AXIN1: variants seen among roughly 807,000 people sequenced by gnomAD.
The protein encoded by AXIN1 is axin 1.
In AXIN1, 30 loss-of-function variants were observed where a neutral mutation model predicts 76.4. That is an observed-to-expected ratio of 0.39 (90% CI 0.29 to 0.53). The LOEUF is 0.53. Among genes scored for constraint, AXIN1 ranks in the 20% least tolerant of loss-of-function variants. AXIN1 has a pLI of 0.66. For missense variants in AXIN1, 1,140 were observed against 1,198.8 expected (o/e 0.95, Z 0.72); for synonymous variants, 545 against 501.4 (o/e 1.09, Z -1.16).
chr16:320,192 G>A (rs573526838), intron 2 of AXIN1, among the ~76,000 whole-genome samples: 2 of 152,190 alleles, frequency 1.3e-5, no homozygotes, highest in South Asian at 4.1e-4. Flanking sequence ...GACAACAGGC[G>A]CACACTACCA....
intron 6 of AXIN1, 95 bp downstream of exon 6, chr16:297,627 T>C: frequency 4.2e-6 from 6 of 1,441,314 alleles, no homozygotes; most frequent in Non-Finnish European, 5.5e-6. Flanking sequence ...TTGCTGGCGG[T>C]CCTGGGTTTC....
In AXIN1 at chr16:346,314, G is replaced by A. The variant is rs372315111; in HGVS notation, c.712C>T (p.Leu238=). Residue 238 remains leucine (L), a synonymous_variant, in exon 2 of 11, where the codon CTG becomes TTG. Transcript: ENST00000262320. ...SGTGKGISGY[L]PTLNEDEEWK... is the part of the protein sequence containing the mutation. ...TCCTCATCTTCATTTAAGGTCGGCAGGTATCCAGATATGCCCTTCCCTGTC... is the reference window on the plus strand; with the variant it reads ...TCCTCATCTTCATTTAAGGTCGGCAAGTATCCAGATATGCCCTTCCCTGTC... The A allele has an allele frequency of 4.3e-6, 7 of 1,614,074 alleles. No homozygotes were observed. In the African/African-American group the frequency reaches 8.0e-5, roughly 18 times the overall value.
chr16:319,170 G>C (rs2053381940), intron 2 of AXIN1, among the ~76,000 whole-genome samples: 1 of 152,142 alleles, frequency 6.6e-6, no homozygotes, highest in African/African-American at 2.4e-5. Context: ...ACTCTTCTGT[G>C]TGTTCAAAGG....
At chr16:298,876 C>A (rs943789890) in intron 5 of AXIN1, among the ~76,000 whole-genome samples, 1 of 152,136 alleles carries the variant, frequency 6.6e-6, no homozygotes, top group African/African-American at 2.4e-5. Context: ...TCAAGTGATT[C>A]TCCTCCTTCA....
intron 2 of AXIN1, among the ~76,000 whole-genome samples, chr16:342,111 C>G (rs947967305): frequency 6.6e-6 from 1 of 152,176 alleles, no homozygotes; most frequent in African/African-American, 2.4e-5. Flanking sequence ...AGTGTGGAAG[C>G]TTTGTTCTTT....
At position 288,285 on chromosome 16, in the gene AXIN1, G is replaced by C. The variant is rs752823798; in HGVS notation, c.2463-37C>G. 7 of 1,613,030 alleles carry C rather than the reference G, an allele frequency of 4.3e-6. 1 individual carries two copies. In the Admixed American group the frequency reaches 1.2e-4, roughly 27 times the overall value. ...AGGTGAGGAGGGCAGTGAGCAGGCA[G>C]CACCGCAGATGGGAAGGAGGCCTGT... On this transcript the variant is annotated intron_variant, in intron 10 of 10. Transcript: ENST00000262320.
chr16:301,669 C>A (rs1473655629), intron 5 of AXIN1, among the ~76,000 whole-genome samples: 1 of 152,136 alleles, frequency 6.6e-6, no homozygotes, highest in African/African-American at 2.4e-5. Flanking sequence ...AAAATGGGAA[C>A]CTGCCCTACT....
chr16:336,831 A>C lies in AXIN1; in HGVS notation c.878+9317T>G, dbSNP rs1195468537. Among the ~76,000 whole-genome samples, 8 of 150,444 alleles carry C rather than the reference A, an allele frequency of 5.3e-5. No homozygotes were observed. In the East Asian group the frequency reaches 7.8e-4, roughly 15 times the overall value. On this transcript the variant is annotated intron_variant, in intron 2 of 10. Coordinates refer to ENST00000262320, the MANE Select transcript of AXIN1 (RefSeq NM_003502.4). ...GACTCCGCCTCAAAAAAAAAAAAAA[A>C]AAACAAAACATAAATACAAGAACTT...
In AXIN1 at chr16:293,753, C is replaced by T. The variant is rs1373804783; in HGVS notation, c.1956-35G>A. The T allele has an allele frequency of 4.4e-6, 7 of 1,603,962 alleles. No homozygotes were observed. Among genetic ancestry groups the T allele is most frequent in the Non-Finnish European group, 5.1e-6 (6 of 1,173,548 alleles). ...CAAGAGAACAAGTTGTGACTGTGGCCGACACCCTGGCCAGGTGGCCTGGTG... is the reference window on the plus strand; with the variant it reads ...CAAGAGAACAAGTTGTGACTGTGGCTGACACCCTGGCCAGGTGGCCTGGTG... On this transcript the variant is annotated intron_variant, in intron 7 of 10. Coordinates refer to ENST00000262320, the MANE Select transcript of AXIN1 (RefSeq NM_003502.4). The surrounding 1 kb of genome is among the most constrained non-coding windows in gnomAD (Gnocchi z 4.6).
At chr16:310,144 G>T in intron 3 of AXIN1, 75 bp from the exon 4 acceptor site, 1 of 1,373,836 alleles carries the variant, frequency 7.3e-7, no homozygotes, top group Non-Finnish European at 1.0e-6. Context: ...AGAGCTCCTG[G>T]CCCCGACCGC....
Position 291,218 on chromosome 16 carries a change from C to A in AXIN1, c.2266G>T (p.Val756Leu), listed in dbSNP as rs1016858677. 2 of 1,588,426 alleles carry A rather than the reference C, an allele frequency of 1.3e-6. No individual in the cohort carries two copies. The highest frequency in any genetic ancestry group is 2.7e-5 in the African/African-American group (2 of 74,754). ...GTCTCGGAGAGCTCCATGTCCGACA[C>A]GGCTGGTACCACGTGCAGCACCGGC... ...CAPVLHVVPA[V>L]SDMELSETET... The change falls in exon 9 of 11, where the codon GTG becomes TTG. Residue 756 changes from valine to leucine, a missense_variant. This residue lies in a region of AXIN1 where 429 missense variants were observed against 405.8 expected (regional missense o/e 1.06). Coordinates refer to ENST00000262320, the MANE Select transcript of AXIN1 (RefSeq NM_003502.4).
rs755933945 is a variant in AXIN1 at position 332,306 on chromosome 16, G to A, written c.878+13842C>T. 2.4e-4 allele frequency among the ~76,000 whole-genome samples: 37 copies of A among 151,516 alleles called. 1 individual carries two copies. The highest frequency in any genetic ancestry group is 6.5e-4 in the African/African-American group (27 of 41,268). ...TAAAACCTGCAGCCAGGCTGGGCGC[G>A]GTGGCTCACGCCTGTAATCCCAGCA... On this transcript the variant is annotated intron_variant, in intron 2 of 10. Transcript: ENST00000262320.
intron 2 of AXIN1, 123 bp from the exon 3 acceptor site, chr16:314,806 A>G (rs1482615664): frequency 7.0e-7 from 1 of 1,426,458 alleles, no homozygotes; most frequent in East Asian, 2.5e-5. Flanking sequence ...ATTTGGAGAA[A>G]ATAAGGAGCA....
intron 1 of AXIN1, among the ~76,000 whole-genome samples, chr16:347,420 C>A (rs1043375214): frequency 1.3e-5 from 2 of 152,210 alleles, no homozygotes; most frequent in Non-Finnish European, 2.9e-5. Context: ...CCTCCCACCT[C>A]AGCTGCAGAG....
chr16:288,176 G>A lies in AXIN1; in HGVS notation c.2535C>T (p.Ala845=), dbSNP rs776173911. 21 of 1,613,548 alleles carry A rather than the reference G, an allele frequency of 1.3e-5. No individual in the cohort carries two copies. The highest frequency in any genetic ancestry group is 2.2e-5 in the East Asian group (1 of 44,892). Residue 845 remains alanine, a synonymous_variant, in exon 11 of 11, where the codon GCC becomes GCT. Coordinates refer to ENST00000262320, the MANE Select transcript of AXIN1 (RefSeq NM_003502.4). ...TCTTCTCCTCAAAGACGGGCAGGAC[G>A]GCCTCGTCCTCTCGAACCTCCTCAA... ...VVFEEVREDE[A]VLPVFEEKII... is the part of the protein sequence containing the mutation.
At chr16:352,256 C>G in intron 1 of AXIN1, 113 bp downstream of exon 1, 3 of 635,570 alleles carry the variant, frequency 4.7e-6, no homozygotes, top group Non-Finnish European at 5.9e-6. Context: ...GCTCCCCGCG[C>G]GCCCACCCCC....
At position 347,044 on chromosome 16, in the gene AXIN1, G is replaced by T. The variant is rs758033; in HGVS notation, c.-19C>A. ...TATTCATTTTGGGACTCTGCGTCAA[G>T]GAACAATGAGCGCTGCACCCTAATA... On this transcript the variant is annotated 5_prime_UTR_variant, in exon 2 of 11. Transcript: ENST00000262320. The T allele has an allele frequency of 0.24, 390,471 of 1,613,662 alleles. 48,227 individuals are homozygous for T. The highest frequency in any genetic ancestry group is 0.3 in the South Asian group (27,663 of 91,072).
intron 5 of AXIN1, among the ~76,000 whole-genome samples, chr16:303,151 C>CT (rs1281868399): frequency 6.6e-6 from 1 of 152,180 alleles, no homozygotes; most frequent in African/African-American, 2.4e-5. Context: ...TGTGCACTGC[C>CT]CGCCCGGCCA....
rs528610775 is a variant in AXIN1, at chr16:314,688, A to G, written c.879-5T>C. 2.8e-4 allele frequency: 458 copies of G among 1,613,502 alleles called. 2 individuals carry two copies. In the East Asian group the frequency reaches 0.01, roughly 36 times the overall value. ...GGCTCCCGCCAGGATCCATACCTGC[A>G]AACAGGCAAGCAGGGCATGTTAGTG... On this transcript the variant is annotated splice_region_variant and splice_polypyrimidine_tract_variant and intron_variant, in intron 2 of 10. Transcript: ENST00000262320.
Sources: gnomAD v4.1 joint callset for allele counts (sites outside exome capture counted in the v4.1 genomes callset) on GRCh38, gnomAD v4.1.1 for gene constraint, gnomAD v4.1.1 regional missense constraint, Gnocchi (gnomAD v3.1) non-coding constraint, MANE v1.5 for transcripts, NCBI Gene and HGNC (gene_info 2026-07-23, HGNC 2026-07-21) for gene names.